NCAM2: variants seen among roughly 807,000 people sequenced by gnomAD.
The protein encoded by NCAM2 is neural cell adhesion molecule 2, also known as N-CAM-2.
Under a neutral mutation model 98.1 loss-of-function variants are expected in NCAM2, and 30 were observed. The ratio of observed to expected loss-of-function variants is 0.31; its 90% CI spans 0.23 to 0.41. The LOEUF is 0.41. Among genes scored for constraint, NCAM2 ranks in the 10% least tolerant of loss-of-function variants. The pLI is 1.00. For synonymous variants in NCAM2, 368 were observed against 342.4 expected (o/e 1.07, Z -0.83); for missense variants, 867 against 1,005.8 (o/e 0.86, Z 1.87).
chr21:21,044,162 T>G (rs967950160), intron 1 of NCAM2, among the ~76,000 whole-genome samples: 2 of 152,194 alleles, frequency 1.3e-5, no homozygotes, highest in Non-Finnish European at 2.9e-5. Flanking sequence ...AGGGTATGTA[T>G]TTCATAGCTT....
intron 12 of NCAM2, among the ~76,000 whole-genome samples, chr21:21,462,591 C>A (rs1416962609): frequency 6.6e-6 from 1 of 151,930 alleles, no homozygotes. Flanking sequence ...CTACTATGAT[C>A]ATTTCCAAAC....
At chr21:21,212,785 C>G (rs149892323) in intron 1 of NCAM2, among the ~76,000 whole-genome samples, 16 of 150,598 alleles carry the variant, frequency 1.1e-4, no homozygotes, top group Admixed American at 1.3e-4. Flanking sequence ...CTCTGTCGCC[C>G]AGGCTGGAGT....
At chr21:21,040,999 G>C (rs760208665) in intron 1 of NCAM2, among the ~76,000 whole-genome samples, 1 of 152,036 alleles carries the variant, frequency 6.6e-6, no homozygotes, top group Non-Finnish European at 1.5e-5. Flanking sequence ...TCATCATTAC[G>C]TGTTGTATGC....
chr21:21,133,248 C>T (rs118178652), intron 1 of NCAM2, among the ~76,000 whole-genome samples: 78 of 152,268 alleles, frequency 5.1e-4, no homozygotes, highest in Non-Finnish European at 1.0e-3. Context: ...TATGCTGTGG[C>T]AACAATCTCC....
At chr21:21,180,257 T>C (rs932475208) in intron 1 of NCAM2, among the ~76,000 whole-genome samples, 2 of 152,242 alleles carry the variant, frequency 1.3e-5, no homozygotes, top group African/African-American at 4.8e-5. Context: ...ATTAATTTTA[T>C]GGATACATAA....
intron 15 of NCAM2, among the ~76,000 whole-genome samples, chr21:21,487,856 A>G (rs1408065582): frequency 6.6e-6 from 1 of 152,154 alleles, no homozygotes; most frequent in East Asian, 1.9e-4. Flanking sequence ...TTCCTATAAA[A>G]TGTATTCTTA....
intron 4 of NCAM2, among the ~76,000 whole-genome samples, chr21:21,289,413 A>C (rs1426786084): frequency 6.6e-6 from 1 of 151,894 alleles, no homozygotes; most frequent in Non-Finnish European, 1.5e-5. Flanking sequence ...AGGATGATAA[A>C]ATAAATGTAA....
chr21:21,109,648 T>C (rs2066417036), intron 1 of NCAM2, among the ~76,000 whole-genome samples: 1 of 152,196 alleles, frequency 6.6e-6, no homozygotes, highest in African/African-American at 2.4e-5. Flanking sequence ...ACTTTGACAA[T>C]GTGTTGAACC....
intron 1 of NCAM2, among the ~76,000 whole-genome samples, chr21:21,126,335 T>A (rs973492831): frequency 2.6e-5 from 4 of 151,704 alleles, no homozygotes; most frequent in Non-Finnish European, 4.4e-5. Flanking sequence ...CTTCTCAGAT[T>A]TTGTAACATG....
intron 1 of NCAM2, among the ~76,000 whole-genome samples, chr21:21,234,983 A>G (rs552905440): frequency 1.4e-4 from 22 of 152,230 alleles, no homozygotes; most frequent in Non-Finnish European, 2.9e-4. Context: ...AATGTCTGCT[A>G]TAATATTTTG....
chr21:21,061,914 G>A (rs557782797), intron 1 of NCAM2, among the ~76,000 whole-genome samples: 1 of 152,124 alleles, frequency 6.6e-6, no homozygotes, highest in Middle Eastern at 3.4e-3. Flanking sequence ...TGCAATAATT[G>A]TTGTCATCAC....
intron 11 of NCAM2, among the ~76,000 whole-genome samples, chr21:21,419,532 C>G (rs369386944): frequency 7.8e-6 from 1 of 127,428 alleles, no homozygotes; most frequent in African/African-American, 3.0e-5. Context: ...CACAATAGTC[C>G]CTGGAGTGTG....
At chr21:21,391,222 T>C (rs1249451044) in intron 9 of NCAM2, among the ~76,000 whole-genome samples, 1 of 151,990 alleles carries the variant, frequency 6.6e-6, no homozygotes, top group African/African-American at 2.4e-5. Flanking sequence ...AATAATAATA[T>C]TTATTGTACA....
rs753773926 is a variant in NCAM2 at position 21,508,855 on chromosome 21, G to T, written c.2082G>T (p.Thr694=). 2.5e-5 allele frequency: 13 copies of T among 529,310 alleles called. No individual in the cohort carries two copies. The highest frequency in any genetic ancestry group is 1.7e-4 in the Admixed American group (5 of 28,982). The allele number at this position is 529,310 out of a possible 1,614,324, so 32.8% of individuals were successfully genotyped here. Residue 694 remains threonine (T), a synonymous_variant, in exon 16 of 18, where the codon ACG becomes ACT. Transcript: ENST00000400546. ...TTTTTTTTTTTACTTTTTAAGACAC[G>T]CTGTTTAATGGTCTTGGGCTTGGAG... ...MPPKPNIIKD[T]LFNGLGLGAV...
rs1219000865 is a variant in NCAM2 at position 21,000,692 on chromosome 21, CAT to C, written c.55+2076_55+2077del. ...GTACAATTTCACAATGTGTGGCACT[CAT>C]AGAGACACAGATATATATCAGAGAG... On this transcript the variant is annotated intron_variant, in intron 1 of 17. Coordinates refer to ENST00000400546, the MANE Select transcript of NCAM2 (RefSeq NM_004540.5). Among the ~76,000 whole-genome samples the C allele has an allele frequency of 7.2e-5, 11 of 152,022 alleles. No individual in the cohort carries two copies. The East Asian group carries it at 1.9e-3, about 27-fold the overall frequency.
chr21:21,070,952 GACAGTA>G lies in NCAM2; in HGVS notation c.55+72338_55+72343del, dbSNP rs1190539996. On this transcript the variant is annotated intron_variant, in intron 1 of 17. Coordinates refer to ENST00000400546, the MANE Select transcript of NCAM2 (RefSeq NM_004540.5). ...AGGGAGCTTGTAAAATTGGTAGGATGACAGTAACATTAAACAGAAGGAAAAGAAGGC... is the reference window on the plus strand; with the variant it reads ...AGGGAGCTTGTAAAATTGGTAGGATGACATTAAACAGAAGGAAAAGAAGGC... Among the ~76,000 whole-genome samples, 79 of 152,244 alleles carry G rather than the reference GACAGTA, an allele frequency of 5.2e-4. 1 individual carries two copies. The highest frequency in any genetic ancestry group is 3.4e-3 in the Middle Eastern group (1 of 294).
intron 8 of NCAM2, among the ~76,000 whole-genome samples, chr21:21,373,406 G>A (rs1475270975): frequency 1.3e-5 from 2 of 151,902 alleles, no homozygotes; most frequent in Non-Finnish European, 2.9e-5. Flanking sequence ...ATGTTGCCAT[G>A]TAAATATAGA....
intron 9 of NCAM2, among the ~76,000 whole-genome samples, chr21:21,399,785 G>T (rs1219612909): frequency 6.6e-6 from 1 of 152,144 alleles, no homozygotes; most frequent in Non-Finnish European, 1.5e-5. Context: ...GCAGAATTCA[G>T]TAATGCAGGC....
intron 1 of NCAM2, among the ~76,000 whole-genome samples, chr21:21,121,053 A>G (rs915735372): frequency 1.3e-5 from 2 of 151,996 alleles, no homozygotes; most frequent in Non-Finnish European, 2.9e-5. Context: ...GTCTTTACTG[A>G]GTTTATATTG....
Sources: gnomAD v4.1 joint callset for allele counts (sites outside exome capture counted in the v4.1 genomes callset) on GRCh38, gnomAD v4.1.1 for gene constraint, MANE v1.5 for transcripts, NCBI Gene and HGNC (gene_info 2026-07-23, HGNC 2026-07-21) for gene names.